The following PDK3 variants were observed in gnomAD, a reference collection of about 807,000 sequenced individuals.
The protein encoded by PDK3 is pyruvate dehydrogenase kinase 3, also known as pyruvate dehydrogenase kinase, isozyme 3.
A neutral mutation model predicts 32.0 loss-of-function variants in PDK3; 12 were observed. The observed-to-expected ratio is 0.37, with a 90% CI of 0.24 to 0.61. The LOEUF (loss-of-function observed/expected upper bound fraction) is 0.61. Among genes scored for constraint, PDK3 ranks in the 20% least tolerant of loss-of-function variants. The probability of loss-of-function intolerance (pLI) is 0.65; values close to 1 mark genes in which losing one functional copy is unlikely to be tolerated. For missense variants in PDK3, 188 were observed against 316.9 expected (o/e 0.59, Z 3.09); for synonymous variants, 122 against 116.3 (o/e 1.05, Z -0.31).
chrX:24,495,011 G>GTT (rs1921665731), intron 2 of PDK3, 128 bp downstream of exon 2: 3 of 516,828 alleles, frequency 5.8e-6, no homozygotes, highest in Non-Finnish European at 9.4e-6. Flanking sequence ...GGATAGCTGG[G>GTT]TTTTCCATGC....
intron 1 of PDK3, among the ~76,000 whole-genome samples, chrX:24,485,129 C>T (rs767077413): frequency 8.9e-6 from 1 of 111,962 alleles, no homozygotes; most frequent in South Asian, 3.7e-4. Flanking sequence ...TGGTGGATCA[C>T]CTGAGGTCAG....
At chrX:24,525,341 G>A (rs1922497811) in intron 6 of PDK3, among the ~76,000 whole-genome samples, 1 of 111,181 alleles carries the variant, frequency 9.0e-6, no homozygotes, top group Non-Finnish European at 1.9e-5. Context: ...GCCAGGAAGT[G>A]TTGTCAGGAG....
intron 1 of PDK3, among the ~76,000 whole-genome samples, chrX:24,488,602 T>G (rs1921466116): frequency 2.7e-5 from 3 of 111,434 alleles, no homozygotes; most frequent in Non-Finnish European, 5.7e-5. Flanking sequence ...GGCAGGAGAA[T>G]CGCTTGAACT....
intron 6 of PDK3, among the ~76,000 whole-genome samples, chrX:24,520,815 T>C (rs1023628854): frequency 8.9e-6 from 1 of 112,306 alleles, no homozygotes; most frequent in African/African-American, 3.2e-5. Flanking sequence ...TTAACTGTTT[T>C]CCTATGGGTA....
chrX:24,538,992 T>C, downstream of PDK3: 1 of 471,656 alleles, frequency 2.1e-6, no homozygotes, highest in Admixed American at 4.0e-5. Flanking sequence ...TCTATTTCTG[T>C]AGTAATTGTA....
exon 12 of PDK3, among the ~76,000 whole-genome samples, chrX:24,542,594 T>C (rs1207321451): frequency 1.8e-5 from 2 of 112,643 alleles, no homozygotes; most frequent in Admixed American, 1.9e-4. Flanking sequence ...GTTAATTCCG[T>C]TCAGGAGAGG....
At chrX:24,511,703 A>G (rs1270933626) in intron 5 of PDK3, among the ~76,000 whole-genome samples, 3 of 110,566 alleles carry the variant, frequency 2.7e-5, no homozygotes, top group African/African-American at 9.9e-5. Context: ...CAAAAGTTAG[A>G]CGGGCATGGT....
At chrX:24,547,731 A>G (rs1164649031) in exon 12 of PDK3, 11 of 112,718 alleles carry the variant, frequency 9.8e-5, no homozygotes, top group Non-Finnish European at 1.3e-4. Context: ...AAGAATTACA[A>G]TTGTATTCTA....
At chrX:24,519,974 CTT>C (rs1048574373) in intron 6 of PDK3, among the ~76,000 whole-genome samples, 6 of 112,061 alleles carry the variant, frequency 5.4e-5, no homozygotes, top group African/African-American at 1.9e-4. Flanking sequence ...GGGTGGATCT[CTT>C]GAGTCCAGGA....
chrX:24,503,952 A>G (rs1157005472), intron 4 of PDK3, among the ~76,000 whole-genome samples: 2 of 112,547 alleles, frequency 1.8e-5, no homozygotes, highest in Non-Finnish European at 3.7e-5. Context: ...TCAGTTCTTT[A>G]TTTCACAGTG....
chrX:24,499,584 T>C (rs1213457223), intron 3 of PDK3, among the ~76,000 whole-genome samples: 1 of 111,888 alleles, frequency 8.9e-6, no homozygotes, highest in Non-Finnish European at 1.9e-5. Flanking sequence ...CTAGTCCACA[T>C]AGTTATGAGA....
At chrX:24,535,461 TACCACTGC>T (rs939600333), downstream of PDK3, among the ~76,000 whole-genome samples, 4 of 93,430 alleles carry the variant, frequency 4.3e-5, no homozygotes, top group African/African-American at 1.7e-4. Context: ...GCCAAGATAG[TACCACTGC>T]ACTCCAGCCT....
downstream of PDK3, among the ~76,000 whole-genome samples, chrX:24,535,729 C>T (rs1407529050): frequency 9.2e-6 from 1 of 109,027 alleles, no homozygotes; most frequent in African/African-American, 3.3e-5. Flanking sequence ...TTCATTTAAC[C>T]ATCCCATCTT....
intron 1 of PDK3, among the ~76,000 whole-genome samples, chrX:24,480,700 A>G (rs1308485561): frequency 8.9e-6 from 1 of 112,719 alleles, no homozygotes; most frequent in Non-Finnish European, 1.9e-5. Context: ...TCTGGAGTCC[A>G]TCAGCATTAG....
At position 24,465,316 on chromosome X, in the gene PDK3, C is replaced by T. The variant is rs376264206; in HGVS notation, c.-140C>T. ...CCTGGAGCTGCTGCTGCTGCTGCGG[C>T]GGCTGCACCGGCGGCGCCGAGGCCG... On this transcript the variant is annotated 5_prime_UTR_variant, in exon 1 of 11. Transcript: ENST00000379162. 18 of 369,302 alleles carry T rather than the reference C, an allele frequency of 4.9e-5. No homozygotes were observed. The East Asian group carries it at 8.5e-4, about 18-fold the overall frequency. 30.4% of individuals were successfully genotyped at this position (369,302 alleles called of 1,213,427 possible).
chrX:24,468,779 A>G (rs1237645620), intron 1 of PDK3, among the ~76,000 whole-genome samples: 1 of 112,583 alleles, frequency 8.9e-6, no homozygotes, highest in African/African-American at 3.2e-5. Context: ...TAGCAAGAAT[A>G]ACAAGTGTTC....
chrX:24,527,793 TATGCTAG>T, intron 8 of PDK3, 118 bp downstream of exon 8: 1 of 506,492 alleles, frequency 2.0e-6, no homozygotes, highest in Admixed American at 4.1e-5. Flanking sequence ...TTGTAAGTTC[TATGCTAG>T]ATCCTTGGCT....
chrX:24,476,671 G>A lies in PDK3; in HGVS notation c.106+11110G>A, dbSNP rs771211664. 1.5e-3 allele frequency among the ~76,000 whole-genome samples: 172 copies of A among 111,960 alleles called. 1 individual carries two copies. Among genetic ancestry groups the A allele is most frequent in the Non-Finnish European group, 2.9e-3 (157 of 53,245 alleles). ...GACATTTGTTATAATTGATGAACCA[G>A]CATTGACCCATCATTATCACCTAAA... On this transcript the variant is annotated intron_variant, in intron 1 of 10. Transcript: ENST00000379162.
rs1294392043 is a variant in PDK3, at chrX:24,465,548, A to G, written c.93A>G (p.Gln31=). ...RFSPSPLSIK[Q]FLDFGRDNAC... The stretch of plus-strand genomic sequence containing the variant: ...CGCCGTCGCCGCTCTCCATCAAACA[A>G]TTCCTGGACTTCGGTGAGTACGGGG... Residue 31 remains glutamine (Q), a synonymous_variant, in exon 1 of 11, where the codon CAA becomes CAG. Coordinates refer to ENST00000379162, the MANE Select transcript of PDK3 (RefSeq NM_005391.5). The G allele has an allele frequency of 2.5e-6, 3 of 1,198,264 alleles. No homozygotes were observed. Among genetic ancestry groups the G allele is most frequent in the African/African-American group, 3.5e-5 (2 of 57,405 alleles).
Sources: gnomAD v4.1 joint callset for allele counts (sites outside exome capture counted in the v4.1 genomes callset) on GRCh38, gnomAD v4.1.1 for gene constraint, MANE v1.5 for transcripts, NCBI Gene and HGNC (gene_info 2026-07-23, HGNC 2026-07-21) for gene names.